Variants in PARD3B observed in about 807,000 individuals in gnomAD.
PARD3B encodes the protein par-3 family cell polarity regulator beta, also known as partitioning defective 3 homolog B.
Under a neutral mutation model 130.2 loss-of-function variants are expected in PARD3B, and 103 were observed. That is an observed-to-expected ratio of 0.79 (90% CI 0.67 to 0.93). PARD3B has a LOEUF of 0.93. Among genes scored for constraint, PARD3B ranks in the 40% least tolerant of loss-of-function variants. PARD3B has a pLI of 0.00. For synonymous variants in PARD3B, 583 were observed against 553.2 expected (o/e 1.05, Z -0.76); for missense variants, 1,609 against 1,499.2 (o/e 1.07, Z -1.21).
At chr2:205,487,023 T>C (rs1226080370) in intron 20 of PARD3B, among the ~76,000 whole-genome samples, 1 of 152,208 alleles carries the variant, frequency 6.6e-6, no homozygotes, top group East Asian at 1.9e-4. Flanking sequence ...ATACTGCGTA[T>C]ATAATTCTGT....
chr2:205,575,536 C>T lies in PARD3B; in HGVS notation c.3260+22133C>T, dbSNP rs529016967. ...TTAAGTGCTCTTCCTAGTCATACCC[C>T]ACTCCACACCATTACCCCTAGCTAC... On this transcript the variant is annotated intron_variant, in intron 22 of 22. Transcript: ENST00000406610. The surrounding 1 kb of genome is among the most constrained non-coding windows in gnomAD (Gnocchi z 4.6). Among the ~76,000 whole-genome samples the T allele has an allele frequency of 2.6e-5, 4 of 152,230 alleles. No homozygotes were observed. Among genetic ancestry groups the T allele is most frequent in the African/African-American group, 7.2e-5 (3 of 41,540 alleles).
intron 20 of PARD3B, among the ~76,000 whole-genome samples, chr2:205,474,123 C>T (rs1202172569): frequency 5.3e-5 from 8 of 151,980 alleles, no homozygotes; most frequent in Non-Finnish European, 2.9e-5. Context: ...GTTTCTGTCC[C>T]ACTGTGGTTA....
rs933857543 is a variant in PARD3B at position 205,616,925 on chromosome 2, G to T, written c.*1112G>T. ...AGAGAGAGAGTATGTGTGTGTGTGT[G>T]TATGTGTGTGTTCGAACACATATGA... On this transcript the variant is annotated 3_prime_UTR_variant, in exon 23 of 23. Transcript: ENST00000406610. 1 of 154,296 alleles carries T rather than the reference G, an allele frequency of 6.5e-6. No homozygotes were observed. Among genetic ancestry groups the T allele is most frequent in the African/African-American group, 2.4e-5 (1 of 41,478 alleles). The allele number at this position is 154,296 out of a possible 1,614,324, so 9.6% of individuals were successfully genotyped here.
intron 10 of PARD3B, among the ~76,000 whole-genome samples, chr2:205,126,752 C>CAAAAAAAAAAAAAAAAAAA (rs4045004): frequency 5.4e-5 from 4 of 74,456 alleles, no homozygotes; most frequent in African/African-American, 1.3e-4. Context: ...GACTCCGTCT[C>CAAAAAAAAAAAAAAAAAAA]AAAAAAAAAA....
chr2:204,970,449 C>G (rs1691607212), intron 3 of PARD3B, among the ~76,000 whole-genome samples: 1 of 152,190 alleles, frequency 6.6e-6, no homozygotes, highest in South Asian at 2.1e-4. Context: ...ACCACCATAT[C>G]TCCCTGGGCC....
At chr2:204,651,560 T>C (rs2035480511) in intron 1 of PARD3B, among the ~76,000 whole-genome samples, 1 of 152,236 alleles carries the variant, frequency 6.6e-6, no homozygotes, top group Non-Finnish European at 1.5e-5. Flanking sequence ...GTGTTGAGTG[T>C]CTGTGACTTT....
rs767297699 is a variant in PARD3B, at chr2:205,176,413, A to ATAT, written c.1792-31_1792-30insATT. On this transcript the variant is annotated intron_variant, in intron 12 of 22. Transcript: ENST00000406610. This position sits in a 1 kb window ranked among gnomAD's most constrained non-coding sequence, Gnocchi z 5.3. ...CTGACCAAGTTGGAACATATTAAAA[A>ATAT]TGCAAATGTAATTTTTACTTTTATC... 2 of 1,572,622 alleles carry ATAT rather than the reference A, an allele frequency of 1.3e-6. No individual in the cohort carries two copies. Among genetic ancestry groups the ATAT allele is most frequent in the African/African-American group, 2.7e-5 (2 of 72,766 alleles).
At chr2:205,392,051 T>C (rs1170882046) in intron 18 of PARD3B, among the ~76,000 whole-genome samples, 1 of 152,212 alleles carries the variant, frequency 6.6e-6, no homozygotes, top group African/African-American at 2.4e-5. Flanking sequence ...ATCTGTGCTT[T>C]ACTTTACTTT....
intron 4 of PARD3B, among the ~76,000 whole-genome samples, chr2:205,050,301 G>T (rs939242659): frequency 5.9e-5 from 9 of 151,694 alleles, no homozygotes; most frequent in South Asian, 2.1e-4. Context: ...CCAAGGTCTA[G>T]TTCACCACAG....
chr2:205,367,542 T>C (rs911028335), intron 18 of PARD3B, among the ~76,000 whole-genome samples: 54 of 152,210 alleles, frequency 3.5e-4, no homozygotes, highest in African/African-American at 1.3e-3. Context: ...TAAAATGGTT[T>C]AGAACAGACA....
intron 1 of PARD3B, among the ~76,000 whole-genome samples, chr2:204,591,328 T>G (rs2033064751): frequency 6.6e-6 from 1 of 152,226 alleles, no homozygotes. Context: ...GGATTTGAAA[T>G]GAGCATCTTA....
intron 16 of PARD3B, among the ~76,000 whole-genome samples, chr2:205,290,442 G>C (rs569884982): frequency 6.6e-6 from 1 of 152,134 alleles, no homozygotes; most frequent in East Asian, 1.9e-4. Flanking sequence ...AAGTCAATAG[G>C]ATGACATTTC....
chr2:204,865,456 A>G (rs1157599282), intron 2 of PARD3B, among the ~76,000 whole-genome samples: 1 of 152,226 alleles, frequency 6.6e-6, no homozygotes, highest in East Asian at 1.9e-4. Context: ...ACTCAGCTAT[A>G]AAAAGGAATG....
chr2:205,297,008 C>A (rs2041822889), intron 16 of PARD3B, among the ~76,000 whole-genome samples: 1 of 152,030 alleles, frequency 6.6e-6, no homozygotes, highest in African/African-American at 2.4e-5. Context: ...TCTTTTAGCA[C>A]CCTTGATAAT....
chr2:204,753,638 C>T (rs79990478), intron 2 of PARD3B, among the ~76,000 whole-genome samples: 4,190 of 152,190 alleles, frequency 0.028, 183 homozygotes, highest in African/African-American at 0.096. Context: ...CTCTATGCCT[C>T]AATTTTCTTA....
chr2:204,994,615 G>A (rs1693987076), intron 3 of PARD3B, among the ~76,000 whole-genome samples: 1 of 151,692 alleles, frequency 6.6e-6, no homozygotes, highest in East Asian at 1.9e-4. Flanking sequence ...GCAGAGCTGA[G>A]TTCAATTCCT....
At chr2:204,815,491 A>C (rs2043112220) in intron 2 of PARD3B, among the ~76,000 whole-genome samples, 1 of 151,746 alleles carries the variant, frequency 6.6e-6, no homozygotes, top group East Asian at 1.9e-4. Context: ...CTTTTGTTTT[A>C]ATTTATTTTC....
chr2:205,074,079 T>G (rs1700897522), intron 4 of PARD3B, among the ~76,000 whole-genome samples: 1 of 152,198 alleles, frequency 6.6e-6, no homozygotes, highest in African/African-American at 2.4e-5. Context: ...ATCCATTGCT[T>G]CTTTTATTTA....
intron 2 of PARD3B, among the ~76,000 whole-genome samples, chr2:204,946,026 C>T (rs547378412): frequency 3.9e-5 from 6 of 152,218 alleles, no homozygotes; most frequent in Non-Finnish European, 8.8e-5. Context: ...TAAATGTCAT[C>T]TTCCCCTCTA....
Sources: allele counts gnomAD v4.1 joint callset (sites outside exome capture counted in the v4.1 genomes callset), GRCh38; gene constraint gnomAD v4.1.1; non-coding constraint Gnocchi (gnomAD v3.1); transcripts MANE v1.5; gene names NCBI Gene and HGNC (gene_info 2026-07-23, HGNC 2026-07-21).